ITGAE: variants seen among roughly 807,000 people sequenced by gnomAD.
ITGAE encodes the protein integrin alpha-E.
Under a neutral mutation model 136.5 loss-of-function variants are expected in ITGAE, and 99 were observed. The observed-to-expected ratio is 0.73, with a 90% confidence interval of 0.62 to 0.86. The LOEUF (loss-of-function observed/expected upper bound fraction) is 0.86. Ranked by LOEUF, ITGAE falls within the 40% of genes least tolerant of loss-of-function variation. The pLI is 0.00. For synonymous variants in ITGAE, 613 were observed against 591.8 expected (o/e 1.04, Z -0.52); for missense variants, 1,447 against 1,515.3 (o/e 0.95, Z 0.75).
intron 2 of ITGAE, 140 bp from the exon 3 acceptor site, chr17:3,764,100 G>C: frequency 1.6e-6 from 1 of 626,440 alleles, no homozygotes. Context: ...CCAGACTCTG[G>C]ATTATGGGGA....
chr17:3,723,047 AGACGTGGG>A (rs1273857035), intron 28 of ITGAE, among the ~76,000 whole-genome samples: 1 of 152,220 alleles, frequency 6.6e-6, no homozygotes, highest in Non-Finnish European at 1.5e-5. Flanking sequence ...CTGCTGGAAT[AGACGTGGG>A]GATGTAGGAA....
intron 10 of ITGAE, 127 bp from the exon 11 acceptor site, chr17:3,756,024 G>A (rs970595329): frequency 2.3e-6 from 2 of 855,308 alleles, no homozygotes; most frequent in African/African-American, 1.7e-5. Flanking sequence ...AAGAGAACCC[G>A]GCTGAGGGTA....
intron 1 of ITGAE, among the ~76,000 whole-genome samples, chr17:3,785,238 G>T (rs1404234936): frequency 3.3e-5 from 5 of 152,174 alleles, no homozygotes; most frequent in African/African-American, 1.2e-4. Context: ...GGAGGCCGAG[G>T]CAGGCGGATC....
At chr17:3,728,769 T>C (rs1184494678) in intron 24 of ITGAE, among the ~76,000 whole-genome samples, 2 of 150,502 alleles carry the variant, frequency 1.3e-5, no homozygotes, top group Non-Finnish European at 3.0e-5. Context: ...CAGTGGTTCA[T>C]GCCTATCATC....
intron 1 of ITGAE, chr17:3,784,403 C>CT (rs759720709): frequency 0.016 from 3,747 of 228,660 alleles, 51 homozygotes; most frequent in African/African-American, 0.049. Context: ...AAACATTTTT[C>CT]TTTTTTTTTT....
intron 24 of ITGAE, among the ~76,000 whole-genome samples, chr17:3,728,664 C>T (rs1037787695): frequency 6.6e-6 from 1 of 150,826 alleles, no homozygotes; most frequent in African/African-American, 2.4e-5. Context: ...TGAGCCACCG[C>T]ACCTGGCCTT....
chr17:3,724,072 G>T, intron 26 of ITGAE: 2 of 1,596,080 alleles, frequency 1.3e-6, no homozygotes, highest in Non-Finnish European at 1.7e-6. Context: ...TTCTTCAACA[G>T]CAGCGGCAGC....
intron 3 of ITGAE, among the ~76,000 whole-genome samples, chr17:3,762,334 G>T (rs1259956411): frequency 1.3e-5 from 2 of 152,114 alleles, no homozygotes; most frequent in East Asian, 3.9e-4. Context: ...AGCACTGCCT[G>T]GTGGGTATGT....
At position 3,799,615 on chromosome 17, in the gene ITGAE, C is replaced by G. The variant is rs2053201776; in HGVS notation, c.34+1496G>C. ...ACTGCCCGCTCTGTGCCCCAGTCAC[C>G]TCCTCTGTACTGGGAGAGGGTAGAC... On this transcript the variant is annotated intron_variant, in intron 1 of 30. Coordinates refer to ENST00000263087, the MANE Select transcript of ITGAE (RefSeq NM_002208.5). This position sits in a 1 kb window ranked among gnomAD's most constrained non-coding sequence, Gnocchi z 4.1. 6.6e-6 allele frequency among the ~76,000 whole-genome samples: 1 copy of G among 152,126 alleles called. No individual in the cohort carries two copies. The highest frequency in any genetic ancestry group is 2.4e-5 in the African/African-American group (1 of 41,426).
intron 20 of ITGAE, among the ~76,000 whole-genome samples, chr17:3,737,021 C>T (rs1033607193): frequency 2.7e-5 from 4 of 149,938 alleles, no homozygotes; most frequent in East Asian, 2.1e-4. Flanking sequence ...TGCCTGGACA[C>T]GGTGGCTCAC....
At chr17:3,744,421 C>T (rs1437706287) in intron 18 of ITGAE, among the ~76,000 whole-genome samples, 1 of 150,246 alleles carries the variant, frequency 6.7e-6, no homozygotes, top group African/African-American at 2.5e-5. Flanking sequence ...GTCACAGCCA[C>T]ACCTGGGTTT....
intron 26 of ITGAE, 97 bp from the exon 27 acceptor site, chr17:3,723,841 G>T (rs539959123): frequency 5.8e-6 from 9 of 1,539,860 alleles, no homozygotes; most frequent in African/African-American, 1.4e-5. Context: ...CGCATGCGCA[G>T]GGCCGGGAGC....
chr17:3,794,644 C>A (rs1435781382), intron 1 of ITGAE, among the ~76,000 whole-genome samples: 5 of 152,212 alleles, frequency 3.3e-5, no homozygotes, highest in African/African-American at 9.6e-5. Context: ...GCTGCTCCCC[C>A]ACGAATCCAG....
intron 2 of ITGAE, among the ~76,000 whole-genome samples, chr17:3,764,933 T>G (rs1249282518): frequency 6.6e-6 from 1 of 151,696 alleles, no homozygotes; most frequent in Non-Finnish European, 1.5e-5. Flanking sequence ...TAGGGGATGG[T>G]GGGGAGGGGA....
At chr17:3,787,480 T>C (rs1206273345) in intron 1 of ITGAE, among the ~76,000 whole-genome samples, 1 of 152,054 alleles carries the variant, frequency 6.6e-6, no homozygotes, top group Non-Finnish European at 1.5e-5. Context: ...GCTGATTTCA[T>C]ACACCGGCCT....
rs1412880351 is a variant in ITGAE at position 3,751,779 on chromosome 17, A to G, written c.1764T>C (p.Ser588=). 6.2e-7 allele frequency: 1 copy of G among 1,614,078 alleles called. No individual in the cohort carries two copies. The highest frequency in any genetic ancestry group is 1.7e-5 in the Admixed American group (1 of 60,006). Reference sequence around the variant, plus strand: ...TGGCCACATCTGTGAGCTTATCCTGACTGAGATCCCCCATAGCCGCCATGG... The same window carrying G: ...TGGCCACATCTGTGAGCTTATCCTGGCTGAGATCCCCCATAGCCGCCATGG... ...GFAMAAMGDL[S]QDKLTDVAIG... Residue 588 remains serine, a synonymous_variant, in exon 15 of 31, where the codon AGT becomes AGC. Coordinates refer to ENST00000263087, the MANE Select transcript of ITGAE (RefSeq NM_002208.5).
At chr17:3,787,059 C>T (rs1033944285) in intron 1 of ITGAE, among the ~76,000 whole-genome samples, 1 of 151,468 alleles carries the variant, frequency 6.6e-6, no homozygotes, top group Non-Finnish European at 1.5e-5. Flanking sequence ...TGATAAAATC[C>T]AAGACTAATT....
chr17:3,768,780 C>T (rs1175073136), intron 2 of ITGAE, among the ~76,000 whole-genome samples: 1 of 152,212 alleles, frequency 6.6e-6, no homozygotes, highest in African/African-American at 2.4e-5. Flanking sequence ...TTATCTGTCT[C>T]CCCACGAGAC....
rs1231111560 is a variant in ITGAE at position 3,801,121 on chromosome 17, G to T, written c.24C>A (p.Leu8=). ...GGTGAGAGGACTTACTGGCTATGCA[G>T]AGCAGAGTGTGGAAGAGCCACATCC... MWLFHTL[L]CIASLALLAA... Residue 8 remains leucine (L), a synonymous_variant, in exon 1 of 31, where the codon CTC becomes CTA. Transcript: ENST00000263087. 3 of 1,612,558 alleles carry T rather than the reference G, an allele frequency of 1.9e-6. No homozygotes were observed. The highest frequency in any genetic ancestry group is 2.5e-6 in the Non-Finnish European group (3 of 1,179,944).
Sources: allele counts gnomAD v4.1 joint callset (sites outside exome capture counted in the v4.1 genomes callset), GRCh38; gene constraint gnomAD v4.1.1; non-coding constraint Gnocchi (gnomAD v3.1); transcripts MANE v1.5; gene names NCBI Gene and HGNC (gene_info 2026-07-23, HGNC 2026-07-21).